The following KDM6A variants were observed in gnomAD, a reference collection of about 807,000 sequenced individuals.
KDM6A encodes the protein lysine demethylase 6A, also known as lysine-specific demethylase 6A.
A neutral mutation model predicts 117.6 loss-of-function variants in KDM6A; 11 were observed. That is an observed-to-expected ratio of 0.09 (90% CI 0.06 to 0.15). The LOEUF (loss-of-function observed/expected upper bound fraction) is 0.15. Among genes scored for constraint, KDM6A ranks in the 10% least tolerant of loss-of-function variants. The pLI, the probability that KDM6A is intolerant of heterozygous loss-of-function variation, is 1.00. For synonymous variants in KDM6A, 384 were observed against 396.1 expected (o/e 0.97, Z 0.36); for missense variants, 799 against 1,077.3 (o/e 0.74, Z 3.62).
intron 2 of KDM6A, among the ~76,000 whole-genome samples, chrX:44,894,789 A>G (rs1472432967): frequency 9.6e-6 from 1 of 103,785 alleles, no homozygotes; most frequent in Non-Finnish European, 2.0e-5. Context: ...TAGTTTTTGT[A>G]TTTTTAGTTG....
At chrX:45,012,197 A>ATTTTTTTTTTTTTTTTTTTTTTT (rs760991442) in intron 5 of KDM6A, among the ~76,000 whole-genome samples, 1 of 69,070 alleles carries the variant, frequency 1.4e-5, no homozygotes, top group African/African-American at 6.3e-5. Context: ...CCCAATGTAG[A>ATTTTTTTTTTTTTTTTTTTTTTT]TTTTTTTTTT....
chrX:44,936,231 G>A (rs1223131424), intron 2 of KDM6A, among the ~76,000 whole-genome samples: 2 of 110,751 alleles, frequency 1.8e-5, no homozygotes, highest in African/African-American at 6.6e-5. Flanking sequence ...GGACACATAC[G>A]ATTGTATTTG....
At chrX:45,011,145 CT>C in intron 5 of KDM6A, 126 bp downstream of exon 5, 1 of 493,010 alleles carries the variant, frequency 2.0e-6, no homozygotes. Context: ...TAAACCTACA[CT>C]TTTCAGTAAT....
At chrX:45,073,287 G>C (rs970928741) in intron 18 of KDM6A, among the ~76,000 whole-genome samples, 1 of 111,714 alleles carries the variant, frequency 9.0e-6, no homozygotes, top group African/African-American at 3.3e-5. Context: ...GGACATTTGG[G>C]TTGGTTCCAA....
intron 4 of KDM6A, among the ~76,000 whole-genome samples, chrX:44,986,030 A>T (rs1569504052): frequency 9.0e-6 from 1 of 111,581 alleles, no homozygotes; most frequent in African/African-American, 3.3e-5. Context: ...CTGTGAATCC[A>T]TCTGGTCCTG....
chrX:44,997,906 T>G (rs2040943538), intron 4 of KDM6A, among the ~76,000 whole-genome samples: 1 of 111,791 alleles, frequency 8.9e-6, no homozygotes, highest in Non-Finnish European at 1.9e-5. Flanking sequence ...ATCATAGAAA[T>G]GTATAAGGTT....
intron 27 of KDM6A, among the ~76,000 whole-genome samples, chrX:45,104,032 T>TC (rs1368692088): frequency 1.8e-5 from 2 of 109,372 alleles, no homozygotes; most frequent in African/African-American, 6.7e-5. Context: ...TTCTTTTTTT[T>TC]TTTTTTTTTG....
At chrX:45,034,072 A>G (rs1430966446) in intron 6 of KDM6A, among the ~76,000 whole-genome samples, 1 of 111,171 alleles carries the variant, frequency 9.0e-6, no homozygotes, top group African/African-American at 3.3e-5. Context: ...GAAAATTTGA[A>G]TATATATTTG....
intron 29 of KDM6A, 29 bp from the exon 30 acceptor site, chrX:45,111,353 A>G (rs1190262374): frequency 4.3e-6 from 5 of 1,152,996 alleles, no homozygotes; most frequent in Non-Finnish European, 3.6e-6. Context: ...TTTGTATATC[A>G]AAATAACCTA....
At chrX:45,009,349 A>G (rs989603337) in intron 4 of KDM6A, among the ~76,000 whole-genome samples, 3 of 112,193 alleles carry the variant, frequency 2.7e-5, no homozygotes, top group African/African-American at 9.7e-5. Context: ...AGTGTCTTTT[A>G]GCATACTAAT....
intron 2 of KDM6A, among the ~76,000 whole-genome samples, chrX:44,881,255 A>T (rs2032263218): frequency 8.9e-6 from 1 of 112,106 alleles, no homozygotes; most frequent in Admixed American, 9.4e-5. Flanking sequence ...ACATGGTGAA[A>T]CCCCGTCTCT....
At chrX:45,053,687 A>T in intron 9 of KDM6A, 142 bp from the exon 10 acceptor site, 1 of 501,872 alleles carries the variant, frequency 2.0e-6, no homozygotes, top group Non-Finnish European at 3.4e-6. Flanking sequence ...GGCAGTTCTA[A>T]ATTTTGGAAA....
chrX:44,996,069 A>G (rs1390459793), intron 4 of KDM6A, among the ~76,000 whole-genome samples: 3 of 110,234 alleles, frequency 2.7e-5, no homozygotes, highest in Non-Finnish European at 5.7e-5. Flanking sequence ...TTATTTATTT[A>G]TATTTGTTTA....
At chrX:44,976,622 A>AT (rs1001689195) in intron 4 of KDM6A, among the ~76,000 whole-genome samples, 4 of 110,970 alleles carry the variant, frequency 3.6e-5, no homozygotes, top group African/African-American at 1.3e-4. Flanking sequence ...TATTATTGTT[A>AT]TTTTTTTCCT....
chrX:45,033,965 A>G (rs753408164), intron 6 of KDM6A, among the ~76,000 whole-genome samples: 1 of 110,831 alleles, frequency 9.0e-6, no homozygotes, highest in African/African-American at 3.3e-5. Flanking sequence ...AACTCTTTAG[A>G]TTTTTGGATT....
At chrX:45,024,490 GT>G (rs891994281) in intron 6 of KDM6A, among the ~76,000 whole-genome samples, 2 of 108,385 alleles carry the variant, frequency 1.8e-5, no homozygotes, top group African/African-American at 6.7e-5. Flanking sequence ...GGGATTATTT[GT>G]TTTTTTTTCT....
intron 2 of KDM6A, among the ~76,000 whole-genome samples, chrX:44,915,996 G>C (rs1227022921): frequency 9.0e-6 from 1 of 111,554 alleles, no homozygotes; most frequent in Non-Finnish European, 1.9e-5. Context: ...TATTTAGAGA[G>C]AAAGACCACA....
chrX:45,090,587 A>G, intron 26 of KDM6A, 136 bp from the exon 27 acceptor site: 1 of 639,035 alleles, frequency 1.6e-6, no homozygotes, highest in East Asian at 3.6e-5. Context: ...ATTATCATAA[A>G]GCATAAAAAT....
intron 8 of KDM6A, among the ~76,000 whole-genome samples, chrX:45,045,719 A>AT (rs1273925799): frequency 8.9e-6 from 1 of 111,760 alleles, no homozygotes; most frequent in African/African-American, 3.3e-5. Flanking sequence ...ACCGAATAAT[A>AT]TTCCATTGTA....
Sources: allele counts gnomAD v4.1 joint callset (sites outside exome capture counted in the v4.1 genomes callset), GRCh38; gene constraint gnomAD v4.1.1; transcripts MANE v1.5; gene names NCBI Gene and HGNC (gene_info 2026-07-23, HGNC 2026-07-21).